MYLK: variants seen among roughly 807,000 people sequenced by gnomAD.
The protein encoded by MYLK is myosin light chain kinase.
A neutral mutation model predicts 203.4 loss-of-function variants in MYLK; 106 were observed. The observed-to-expected ratio is 0.52, with a 90% CI of 0.45 to 0.61. MYLK has a LOEUF of 0.61. Ranked by LOEUF, MYLK falls within the 20% of genes least tolerant of loss-of-function variation. The pLI, the probability that MYLK is intolerant of heterozygous loss-of-function variation, is 0.00. For missense variants in MYLK, 2,072 were observed against 2,442.3 expected, an observed-to-expected ratio of 0.85 and a Z score of 3.20; for synonymous variants, 867 against 959.5, an observed-to-expected ratio of 0.90 and a Z score of 1.78.
At chr3:123,667,086 C>T (rs758033910) in intron 21 of MYLK, 51 bp downstream of exon 21, 1 of 1,574,102 alleles carries the variant, frequency 6.4e-7, no homozygotes, top group Non-Finnish European at 8.7e-7. Context: ...AAAGGCAAAA[C>T]CCCCATGGTA....
intron 2 of MYLK, among the ~76,000 whole-genome samples, chr3:123,843,221 C>T (rs2066635194): frequency 6.6e-6 from 1 of 152,076 alleles, no homozygotes; most frequent in Non-Finnish European, 1.5e-5. Context: ...GACCAGATGT[C>T]AAAAATACTG....
In MYLK at chr3:123,738,965, C is replaced by A; in HGVS notation, c.520G>T (p.Glu174Ter). The change falls in exon 7 of 34, where the codon GAA becomes TAA. Residue 174 changes from glutamate (E) to a stop codon, truncating the protein, a stop_gained. Transcript: ENST00000360304. LOFTEE classifies it high-confidence loss of function. ...ATKLGRVVVK[E>*]GQMGRFSCKI... ...CAGGAGAATCGTCCCATCTGTCCTTCTTTGACCACAACTCGGCCCAGCTTG... is the reference window on the plus strand; with the variant it reads ...CAGGAGAATCGTCCCATCTGTCCTTATTTGACCACAACTCGGCCCAGCTTG... 6.2e-7 allele frequency: 1 copy of A among 1,613,574 alleles called. No homozygotes were observed. Among genetic ancestry groups the A allele is most frequent in the Non-Finnish European group, 8.5e-7 (1 of 1,179,804 alleles).
chr3:123,797,366 C>T (rs1276021614), intron 3 of MYLK, among the ~76,000 whole-genome samples: 1 of 152,008 alleles, frequency 6.6e-6, no homozygotes, highest in Admixed American at 6.6e-5. Context: ...AAATATCTAC[C>T]ATGGGCCAAG....
intron 16 of MYLK, among the ~76,000 whole-genome samples, chr3:123,704,148 G>A (rs1401909702): frequency 6.6e-6 from 1 of 152,260 alleles, no homozygotes; most frequent in Non-Finnish European, 1.5e-5. Flanking sequence ...TCAGAGAAAG[G>A]TGGAGGACTT....
intron 23 of MYLK, among the ~76,000 whole-genome samples, chr3:123,663,317 T>C (rs2059625170): frequency 6.6e-6 from 1 of 151,998 alleles, no homozygotes; most frequent in Non-Finnish European, 1.5e-5. Context: ...GAAATCCTGG[T>C]ATGAAGGTAA....
intron 5 of MYLK, among the ~76,000 whole-genome samples, chr3:123,748,468 G>A (rs2063089285): frequency 6.6e-6 from 1 of 152,212 alleles, no homozygotes; most frequent in Admixed American, 6.5e-5. Context: ...TCAGGTGGCA[G>A]CTTCTAGAAC....
Position 123,763,832 on chromosome 3 carries a change from T to C in MYLK, c.166-11294A>G, listed in dbSNP as rs572777395. Among the ~76,000 whole-genome samples, 89 of 152,368 alleles carry C rather than the reference T, an allele frequency of 5.8e-4. 1 individual carries two copies. The highest frequency in any genetic ancestry group is 3.4e-3 in the Middle Eastern group (1 of 294). Reference sequence around the variant, plus strand: ...GTCAGACCGTTGGTAGATATTTTCATTACTGGCAATGCATGTCTTTCAGTT... The same window carrying C: ...GTCAGACCGTTGGTAGATATTTTCACTACTGGCAATGCATGTCTTTCAGTT... On this transcript the variant is annotated intron_variant, in intron 4 of 33. Transcript: ENST00000360304.
chr3:123,755,914 C>T (rs1202137992), intron 4 of MYLK, among the ~76,000 whole-genome samples: 4 of 152,182 alleles, frequency 2.6e-5, no homozygotes, highest in Admixed American at 2.6e-4. Context: ...TCAGATAGGG[C>T]TTCAGAGACC....
chr3:123,696,833 C>A (rs1441545025), intron 18 of MYLK, among the ~76,000 whole-genome samples: 1 of 152,240 alleles, frequency 6.6e-6, no homozygotes, highest in African/African-American at 2.4e-5. Flanking sequence ...CAAAATCTTG[C>A]ATGATTCCCT....
chr3:123,869,590 T>A (rs2032599230), intron 2 of MYLK, among the ~76,000 whole-genome samples: 1 of 152,098 alleles, frequency 6.6e-6, no homozygotes, highest in Non-Finnish European at 1.5e-5. Context: ...GCACACCCTC[T>A]CCATATCCCA....
chr3:123,828,754 A>G (rs376134370), intron 3 of MYLK, among the ~76,000 whole-genome samples: 2 of 152,238 alleles, frequency 1.3e-5, no homozygotes, highest in East Asian at 3.9e-4. Flanking sequence ...TCAATTCAAC[A>G]GCAGAAAAAC....
At chr3:123,614,821 TA>T (rs2057380025) in intron 33 of MYLK, among the ~76,000 whole-genome samples, 1 of 150,724 alleles carries the variant, frequency 6.6e-6, no homozygotes, top group Non-Finnish European at 1.5e-5. Flanking sequence ...TTTTGGGGGG[TA>T]GGGGGGCAGG....
At chr3:123,780,390 C>T (rs1421243668) in intron 4 of MYLK, among the ~76,000 whole-genome samples, 5 of 152,128 alleles carry the variant, frequency 3.3e-5, no homozygotes, top group African/African-American at 4.8e-5. Flanking sequence ...GCCGAGATTG[C>T]GCCACTGTCC....
intron 3 of MYLK, among the ~76,000 whole-genome samples, chr3:123,808,688 C>T (rs944617698): frequency 6.6e-6 from 1 of 152,196 alleles, no homozygotes; most frequent in Non-Finnish European, 1.5e-5. Context: ...CAGACAAGTG[C>T]AGTGACTGAA....
intron 30 of MYLK, among the ~76,000 whole-genome samples, chr3:123,628,329 T>C (rs1050067526): frequency 1.3e-5 from 2 of 152,154 alleles, no homozygotes; most frequent in Non-Finnish European, 2.9e-5. Flanking sequence ...CGAACAGCCA[T>C]TCTTCCTCAG....
At chr3:123,762,135 A>T (rs1241944834) in intron 4 of MYLK, among the ~76,000 whole-genome samples, 1 of 152,032 alleles carries the variant, frequency 6.6e-6, no homozygotes, top group Non-Finnish European at 1.5e-5. Flanking sequence ...TCCCATTTCC[A>T]CTTCCTTGAG....
rs377631029 is a variant in MYLK, at chr3:123,733,829, C to T, written c.1167G>A (p.Leu389=). Residue 389 remains leucine, a synonymous_variant, in exon 10 of 34, where the codon CTG becomes CTA. Coordinates refer to ENST00000360304, the MANE Select transcript of MYLK (RefSeq NM_053025.4). ...PATFPTRQPG[L]GSQDVVSKAA... Reference sequence around the variant, plus strand: ...CCTTGCTCACAACATCTTGGCTCCCCAGGCCAGGCTGCCTGGTGGGGAAGG... The same window carrying T: ...CCTTGCTCACAACATCTTGGCTCCCTAGGCCAGGCTGCCTGGTGGGGAAGG... 2.4e-5 allele frequency: 39 copies of T among 1,613,960 alleles called. No individual in the cohort carries two copies. Among genetic ancestry groups the T allele is most frequent in the Admixed American group, 3.3e-5 (2 of 60,008 alleles).
intron 13 of MYLK, chr3:123,716,173 C>T (rs1254647330): frequency 1.3e-5 from 2 of 152,328 alleles, no homozygotes; most frequent in Non-Finnish European, 2.9e-5. Context: ...CTCCTCCTTT[C>T]CCTAAATTCC....
chr3:123,854,660 C>A (rs1315943855), intron 2 of MYLK, among the ~76,000 whole-genome samples: 1 of 152,142 alleles, frequency 6.6e-6, no homozygotes, highest in African/African-American at 2.4e-5. Context: ...TGTTTCCTAT[C>A]TGTGGGTGAT....
Sources: gnomAD v4.1 joint callset for allele counts (sites outside exome capture counted in the v4.1 genomes callset) on GRCh38, gnomAD v4.1.1 for gene constraint, MANE v1.5 for transcripts, NCBI Gene and HGNC (gene_info 2026-07-23, HGNC 2026-07-21) for gene names.